AFF3: variants seen among roughly 807,000 people sequenced by gnomAD.
AFF3 encodes the protein AF4/FMR2 family member 3.
In AFF3, 32 loss-of-function variants were observed where a neutral mutation model predicts 129.7. The observed-to-expected ratio is 0.25, with a 90% CI of 0.19 to 0.33. The LOEUF (loss-of-function observed/expected upper bound fraction) is 0.33, where lower values mean the gene tolerates loss of function less well. AFF3 is among the 10% of genes least tolerant of loss of function. The pLI, the probability that AFF3 is intolerant of heterozygous loss-of-function variation, is 1.00. For synonymous variants in AFF3, 644 were observed against 635.4 expected, an observed-to-expected ratio of 1.01 and a Z score of -0.20; for missense variants, 1,373 against 1,592.0, an observed-to-expected ratio of 0.86 and a Z score of 2.34.
intron 7 of AFF3, among the ~76,000 whole-genome samples, chr2:99,897,529 T>G (rs1383961166): frequency 6.6e-6 from 1 of 152,184 alleles, no homozygotes; most frequent in Admixed American, 6.5e-5. Flanking sequence ...CTGCTCATGT[T>G]GGTCATCTCT....
intron 11 of AFF3, among the ~76,000 whole-genome samples, chr2:99,681,205 C>T (rs941080854): frequency 7.2e-5 from 11 of 152,162 alleles, no homozygotes; most frequent in African/African-American, 2.2e-4. Context: ...ATGAATAGCT[C>T]TGCACCTTGG....
intron 1 of AFF3, among the ~76,000 whole-genome samples, chr2:100,137,428 A>C (rs1466868247): frequency 6.6e-6 from 1 of 152,192 alleles, no homozygotes; most frequent in Admixed American, 6.5e-5. Flanking sequence ...AGCCCAGGCA[A>C]AGTTGTAACA....
At chr2:100,001,498 G>A (rs1248201788) in intron 7 of AFF3, among the ~76,000 whole-genome samples, 2 of 152,116 alleles carry the variant, frequency 1.3e-5, no homozygotes, top group Non-Finnish European at 2.9e-5. Flanking sequence ...GCATGATCTC[G>A]TCTCACCGCA....
chr2:99,581,515 T>A lies in AFF3; in HGVS notation c.2793+1283A>T, dbSNP rs146722357. Among the ~76,000 whole-genome samples, 892 of 148,800 alleles carry A rather than the reference T, an allele frequency of 6.0e-3. 3 individuals are homozygous for A. Among genetic ancestry groups the A allele is most frequent in the Non-Finnish European group, 0.01 (700 of 67,480 alleles). On this transcript the variant is annotated intron_variant, in intron 17 of 24. Transcript: ENST00000672756. ...ATCTTTCTCATCTTTCTTTGCAGAA[T>A]CCTGTTCTTTTTTTTTTTTTTGAGA... is the stretch of plus-strand genomic sequence containing the variant.
At chr2:99,670,688 G>T (rs1383860780) in intron 12 of AFF3, among the ~76,000 whole-genome samples, 1 of 152,104 alleles carries the variant, frequency 6.6e-6, no homozygotes, top group Non-Finnish European at 1.5e-5. Context: ...ATAATTATAG[G>T]CCAAAGCAGG....
chr2:99,551,628 A>G, intron 24 of AFF3, 33 bp from the exon 25 acceptor site: 1 of 1,613,560 alleles, frequency 6.2e-7, no homozygotes, highest in South Asian at 1.1e-5. Flanking sequence ...TAAGAATGCC[A>G]CACATGCTAG....
chr2:100,083,329 G>A lies in AFF3; in HGVS notation c.53+21073C>T, dbSNP rs534838616. 3.9e-5 allele frequency among the ~76,000 whole-genome samples: 6 copies of A among 152,306 alleles called. No individual in the cohort carries two copies. In the South Asian group the frequency reaches 1.2e-3, roughly 32 times the overall value. ...TGTGCCATGAGGAAATGACAGACAA[G>A]AGAACGCCCTACAGGCCCTGAGGTT... On this transcript the variant is annotated intron_variant, in intron 4 of 24. Transcript: ENST00000672756.
intron 7 of AFF3, among the ~76,000 whole-genome samples, chr2:99,874,069 C>G (rs1325684177): frequency 6.6e-6 from 1 of 152,002 alleles, no homozygotes; most frequent in African/African-American, 2.4e-5. Flanking sequence ...CCCAGCTACT[C>G]GGGAGGCTGA....
rs192572828 is a variant in AFF3 at position 99,881,878 on chromosome 2, G to A, written c.874-44354C>T. Among the ~76,000 whole-genome samples, 7 of 152,288 alleles carry A rather than the reference G, an allele frequency of 4.6e-5. No individual in the cohort carries two copies. In the East Asian group the frequency reaches 1.4e-3, roughly 29 times the overall value. ...TTATGTATTGATAAGAACATTACCC[G>A]TTCCTATGATGAATAGAGAAATCAG... On this transcript the variant is annotated intron_variant, in intron 7 of 24. Transcript: ENST00000672756.
At chr2:99,552,875 G>A (rs1027320467) in intron 24 of AFF3, among the ~76,000 whole-genome samples, 1 of 152,146 alleles carries the variant, frequency 6.6e-6, no homozygotes, top group African/African-American at 2.4e-5. Flanking sequence ...TTTCTGTTTT[G>A]TCCACTGGTG....
intron 8 of AFF3, among the ~76,000 whole-genome samples, chr2:99,798,659 GGC>G (rs1250968088): frequency 1.3e-5 from 2 of 151,822 alleles, no homozygotes; most frequent in African/African-American, 4.8e-5. Context: ...AAGCTGAATT[GGC>G]TATATTAATA....
chr2:99,637,544 A>T (rs1201388013), intron 13 of AFF3, among the ~76,000 whole-genome samples: 1 of 152,210 alleles, frequency 6.6e-6, no homozygotes, highest in Non-Finnish European at 1.5e-5. Flanking sequence ...AGGGGGGACT[A>T]CCAGGTGTAC....
chr2:99,712,393 C>T (rs1677974075), intron 11 of AFF3, among the ~76,000 whole-genome samples: 1 of 152,214 alleles, frequency 6.6e-6, no homozygotes, highest in Non-Finnish European at 1.5e-5. Context: ...GCTTTCAGAG[C>T]TACTGGGAAG....
intron 7 of AFF3, among the ~76,000 whole-genome samples, chr2:99,956,446 G>A (rs958434588): frequency 1.3e-5 from 2 of 152,112 alleles, no homozygotes; most frequent in Non-Finnish European, 2.9e-5. Flanking sequence ...GTTGGAGGGG[G>A]GGGCTGTTTG....
chr2:100,032,960 C>T (rs962817358), intron 4 of AFF3, among the ~76,000 whole-genome samples: 2 of 152,084 alleles, frequency 1.3e-5, no homozygotes, highest in Non-Finnish European at 2.9e-5. Context: ...TAGAGTAAGT[C>T]CAACAACCTT....
chr2:100,061,738 C>G (rs1036480300), intron 4 of AFF3, among the ~76,000 whole-genome samples: 18 of 151,862 alleles, frequency 1.2e-4, no homozygotes, highest in African/African-American at 4.1e-4. Flanking sequence ...TTTTATACCC[C>G]GACCTACTCT....
At chr2:99,967,602 A>G (rs1432223207) in intron 7 of AFF3, among the ~76,000 whole-genome samples, 1 of 152,190 alleles carries the variant, frequency 6.6e-6, no homozygotes, top group East Asian at 1.9e-4. Context: ...CATTTACGCC[A>G]TGGAAACTGG....
intron 7 of AFF3, among the ~76,000 whole-genome samples, chr2:99,842,983 CTTTG>C (rs1399564070): frequency 1.3e-5 from 2 of 152,306 alleles, no homozygotes; most frequent in Admixed American, 1.3e-4. Flanking sequence ...ATCACAATGC[CTTTG>C]TTTATCTTCA....
intron 2 of AFF3, among the ~76,000 whole-genome samples, chr2:100,122,959 T>C (rs569856588): frequency 3.3e-5 from 5 of 152,214 alleles, no homozygotes; most frequent in Admixed American, 6.5e-5. Context: ...AAAAAACGAA[T>C]GTTTAATTTG....
Sources: gnomAD v4.1 joint callset for allele counts (sites outside exome capture counted in the v4.1 genomes callset) on GRCh38, gnomAD v4.1.1 for gene constraint, MANE v1.5 for transcripts, NCBI Gene and HGNC (gene_info 2026-07-23, HGNC 2026-07-21) for gene names.